Variants in TRIM75 observed in about 807,000 individuals in gnomAD.
TRIM75 encodes tripartite motif-containing protein 75.
the TRIM75 span, chr4:165,060,481 C>T: frequency 1.3e-6 from 1 of 779,796 alleles, no homozygotes; most frequent in Non-Finnish European, 2.4e-6. Context: ...TTTACTGGGC[C>T]TCTTCGGCCT....
At chr4:165,060,367 AG>A in the TRIM75 span, 1 of 780,926 alleles carries the variant, frequency 1.3e-6, no homozygotes, top group Non-Finnish European at 2.4e-6. Context: ...CTGTTGTTAG[AG>A]GTGAAAGCCA....
At chr4:165,057,165 C>A in the TRIM75 span, among the ~76,000 whole-genome samples, 2 of 152,232 alleles carry the variant, frequency 1.3e-5, no homozygotes, top group South Asian at 4.1e-4. Flanking sequence ...CCAATACTGA[C>A]TAGACATTTT....
the TRIM75 span, among the ~76,000 whole-genome samples, chr4:165,055,352 C>G: frequency 6.7e-6 from 1 of 149,358 alleles, no homozygotes; most frequent in Non-Finnish European, 1.5e-5. Context: ...TGGCACGATC[C>G]TGGCTCACCG....
At chr4:165,054,255 A>C in the TRIM75 span, among the ~76,000 whole-genome samples, 1 of 135,118 alleles carries the variant, frequency 7.4e-6, no homozygotes, top group African/African-American at 2.9e-5. Flanking sequence ...ACCAGTCAGG[A>C]TAATTTGTGT....
the TRIM75 span, chr4:165,059,323 A>T: frequency 1.5e-5 from 12 of 780,378 alleles, no homozygotes; most frequent in South Asian, 1.6e-4. Context: ...TGTCGTCACC[A>T]GTGTCAAGAG....
the TRIM75 span, among the ~76,000 whole-genome samples, chr4:165,054,003 C>T: frequency 6.6e-6 from 1 of 152,088 alleles, no homozygotes; most frequent in African/African-American, 2.4e-5. Flanking sequence ...TAGTGAAACC[C>T]GTGACCTCTT....
At chr4:165,057,675 C>T in the TRIM75 span, among the ~76,000 whole-genome samples, 3,521 of 152,226 alleles carry the variant, frequency 0.023, 50 homozygotes, top group Middle Eastern at 0.13. Context: ...CTATTACAGG[C>T]ATGTGCCCCC....
At chr4:165,056,602 C>CTTTTTTTTTTTTT in the TRIM75 span, among the ~76,000 whole-genome samples, 8 of 69,994 alleles carry the variant, frequency 1.1e-4, no homozygotes, top group Non-Finnish European at 2.4e-4. Flanking sequence ...GTCTCTGTCT[C>CTTTTTTTTTTTTT]TTTTTTTTTT....
chr4:165,054,847 A>G, the TRIM75 span, among the ~76,000 whole-genome samples: 9 of 152,146 alleles, frequency 5.9e-5, no homozygotes, highest in Non-Finnish European at 1.0e-4. Flanking sequence ...GAGGTGACTG[A>G]TATCTGTCTG....
chr4:165,059,715 C>T, the TRIM75 span: 2 of 780,774 alleles, frequency 2.6e-6, no homozygotes, highest in African/African-American at 1.7e-5. Flanking sequence ...ATTTGAGCAC[C>T]TCAACCAGTT....
the TRIM75 span, among the ~76,000 whole-genome samples, chr4:165,054,068 C>T: frequency 6.6e-6 from 1 of 151,826 alleles, no homozygotes; most frequent in Non-Finnish European, 1.5e-5. Context: ...AACCTGAATT[C>T]GGCATCAGGT....
At chr4:165,059,283 G>A in the TRIM75 span, 1 of 780,452 alleles carries the variant, frequency 1.3e-6, no homozygotes, top group South Asian at 1.3e-5. Flanking sequence ...GTCCTGGCTG[G>A]ATCTACAGGA....
chr4:165,055,971 AGTG>A, the TRIM75 span, among the ~76,000 whole-genome samples: 3 of 149,418 alleles, frequency 2.0e-5, no homozygotes, highest in African/African-American at 7.4e-5. Flanking sequence ...GCTGGAATGA[AGTG>A]GTGCGATCTC....
the TRIM75 span, chr4:165,059,757 A>C: frequency 2.6e-6 from 2 of 780,770 alleles, no homozygotes; most frequent in African/African-American, 1.7e-5. Context: ...AGTTCTCTCC[A>C]GATTAGCTGA....
the TRIM75 span, chr4:165,060,285 G>A: frequency 1.3e-6 from 1 of 780,916 alleles, no homozygotes; most frequent in South Asian, 1.3e-5. Context: ...ACCCTCATCA[G>A]CCCAGCAGGA....
At chr4:165,054,730 A>G in the TRIM75 span, among the ~76,000 whole-genome samples, 1 of 152,090 alleles carries the variant, frequency 6.6e-6, no homozygotes, top group South Asian at 2.1e-4. Context: ...CACGCCATTT[A>G]TTTATTATGG....
the TRIM75 span, among the ~76,000 whole-genome samples, chr4:165,058,108 G>A: frequency 3.3e-5 from 5 of 152,120 alleles, no homozygotes; most frequent in Non-Finnish European, 7.4e-5. Context: ...CTGTAGAGAA[G>A]CAAGGATGTA....
At chr4:165,059,547 G>A in the TRIM75 span, 2 of 780,752 alleles carry the variant, frequency 2.6e-6, no homozygotes, top group Non-Finnish European at 2.4e-6. Context: ...GAGGCCCATA[G>A]AGAAAGCTGC....
At chr4:165,055,267 C>T in the TRIM75 span, among the ~76,000 whole-genome samples, 1 of 149,940 alleles carries the variant, frequency 6.7e-6, no homozygotes, top group South Asian at 2.1e-4. Context: ...AGCCACTGTG[C>T]CTGGTAAGAT....
Sources: gnomAD v4.1 joint callset for allele counts (sites outside exome capture counted in the v4.1 genomes callset) on GRCh38, gnomAD v4.1.1 for gene constraint, MANE v1.5 for transcripts, NCBI Gene and HGNC (gene_info 2026-07-23, HGNC 2026-07-21) for gene names.